SLC35F3: variants seen among roughly 807,000 people sequenced by gnomAD.
SLC35F3 encodes solute carrier family 35 member F3.
In SLC35F3, 25 loss-of-function variants were observed where a neutral mutation model predicts 49.9. The observed-to-expected ratio is 0.50, with a 90% CI of 0.37 to 0.70. The LOEUF (loss-of-function observed/expected upper bound fraction) is 0.70. Among genes scored for constraint, SLC35F3 ranks in the 30% least tolerant of loss-of-function variants. The pLI is 0.00. For missense variants in SLC35F3, 525 were observed against 639.8 expected (o/e 0.82, Z 1.94); for synonymous variants, 275 against 265.4 (o/e 1.04, Z -0.35).
chr1:233,963,557 T>G (rs181575335), intron 2 of SLC35F3, among the ~76,000 whole-genome samples: 77 of 152,162 alleles, frequency 5.1e-4, no homozygotes, highest in African/African-American at 1.8e-3. Context: ...CACCTCGGCC[T>G]CCCAAAGTGC....
Position 234,185,098 on chromosome 1 carries a change from G to A in SLC35F3, c.284-46319G>A, listed in dbSNP as rs576957132. On this transcript the variant is annotated intron_variant, in intron 2 of 7. Coordinates refer to ENST00000366618, the MANE Select transcript of SLC35F3 (RefSeq NM_173508.4). ...AATCTAAACAATACATCGAGGGAGAGTAAAAGACACAGGAATGATTATGAG... is the reference window on the plus strand; with the variant it reads ...AATCTAAACAATACATCGAGGGAGAATAAAAGACACAGGAATGATTATGAG... Among the ~76,000 whole-genome samples, 3 of 152,280 alleles carry A rather than the reference G, an allele frequency of 2.0e-5. No individual in the cohort carries two copies. In the South Asian group the frequency reaches 6.2e-4, roughly 32 times the overall value.
At chr1:234,031,748 A>G (rs954519888) in intron 2 of SLC35F3, among the ~76,000 whole-genome samples, 7 of 152,182 alleles carry the variant, frequency 4.6e-5, no homozygotes, top group African/African-American at 1.7e-4. Flanking sequence ...TACACTAGTC[A>G]TATCCTGAAA....
At position 233,944,727 on chromosome 1, in the gene SLC35F3, A is replaced by G. The variant is rs1038680755; in HGVS notation, c.283+38969A>G. 5.3e-5 allele frequency among the ~76,000 whole-genome samples: 8 copies of G among 152,364 alleles called. No homozygotes were observed. The East Asian group carries it at 1.5e-3, about 29-fold the overall frequency. On this transcript the variant is annotated intron_variant, in intron 2 of 7. Coordinates refer to ENST00000366618, the MANE Select transcript of SLC35F3 (RefSeq NM_173508.4). ...GAAAGGGTTGGATTTTGTTGCTAAC[A>G]GCAGAGGAGAAACAAAAAGCTATAG...
chr1:234,301,073 T>C (rs1181031672), intron 3 of SLC35F3, among the ~76,000 whole-genome samples: 1 of 151,962 alleles, frequency 6.6e-6, no homozygotes, highest in Non-Finnish European at 1.5e-5. Flanking sequence ...AGACACTGAG[T>C]TTATTTGGGA....
At chr1:234,066,813 C>G (rs1664625504) in intron 2 of SLC35F3, among the ~76,000 whole-genome samples, 2 of 141,858 alleles carry the variant, frequency 1.4e-5, no homozygotes, top group African/African-American at 5.4e-5. Context: ...CTCTCTCTGT[C>G]TCTGTCCCTC....
At chr1:234,077,205 C>G (rs1664805896) in intron 2 of SLC35F3, among the ~76,000 whole-genome samples, 1 of 151,446 alleles carries the variant, frequency 6.6e-6, no homozygotes, top group African/African-American at 2.4e-5. Context: ...GGGGTTTCAC[C>G]TTGTTAGCCA....
chr1:234,267,534 G>A (rs1349340817), intron 3 of SLC35F3, among the ~76,000 whole-genome samples: 3 of 149,354 alleles, frequency 2.0e-5, no homozygotes, highest in Admixed American at 6.6e-5. Context: ...CCTCCCGGAC[G>A]GGGCGGCTGG....
At chr1:234,045,864 G>A (rs1053387743) in intron 2 of SLC35F3, among the ~76,000 whole-genome samples, 5 of 151,842 alleles carry the variant, frequency 3.3e-5, no homozygotes, top group African/African-American at 4.8e-5. Flanking sequence ...ATTATATATT[G>A]TTGTGTATTT....
intron 2 of SLC35F3, among the ~76,000 whole-genome samples, chr1:234,210,655 G>C (rs1383358056): frequency 6.6e-6 from 1 of 152,200 alleles, no homozygotes; most frequent in Non-Finnish European, 1.5e-5. Flanking sequence ...AAATTTCTAA[G>C]CAGCAAAGCA....
In SLC35F3 at chr1:233,936,547, C is replaced by G. The variant is rs149192868; in HGVS notation, c.283+30789C>G. Reference sequence around the variant, plus strand: ...CCTCCTCCTCCTTCTTCCTCCTCCTCCTCCTCTTTCTTCTTCTTCTCCTCC... The same window carrying G: ...CCTCCTCCTCCTTCTTCCTCCTCCTGCTCCTCTTTCTTCTTCTTCTCCTCC... On this transcript the variant is annotated intron_variant, in intron 2 of 7. Coordinates refer to ENST00000366618, the MANE Select transcript of SLC35F3 (RefSeq NM_173508.4). Among the ~76,000 whole-genome samples, 112 of 151,832 alleles carry G rather than the reference C, an allele frequency of 7.4e-4. 3 individuals carry two copies. The East Asian group carries it at 0.021, about 28-fold the overall frequency.
chr1:234,223,485 A>G (rs748175718), intron 2 of SLC35F3, among the ~76,000 whole-genome samples: 55 of 152,114 alleles, frequency 3.6e-4, no homozygotes, highest in Non-Finnish European at 7.3e-4. Context: ...TTTAAACACA[A>G]CTTCACAACT....
At chr1:234,308,425 A>G (rs1657259801) in intron 3 of SLC35F3, among the ~76,000 whole-genome samples, 1 of 152,156 alleles carries the variant, frequency 6.6e-6, no homozygotes, top group Admixed American at 6.5e-5. Context: ...ACAAATTTGT[A>G]AACTTTCTTA....
chr1:233,905,973 C>G (rs1478518988), intron 2 of SLC35F3, among the ~76,000 whole-genome samples: 1 of 152,158 alleles, frequency 6.6e-6, no homozygotes, highest in Non-Finnish European at 1.5e-5. Context: ...ACACCCCTTC[C>G]TCTCCCACAC....
chr1:234,198,803 T>C (rs1289655579), intron 2 of SLC35F3, among the ~76,000 whole-genome samples: 3 of 152,184 alleles, frequency 2.0e-5, no homozygotes, highest in Non-Finnish European at 4.4e-5. Flanking sequence ...AAATATATAA[T>C]ACATTAATAT....
intron 2 of SLC35F3, among the ~76,000 whole-genome samples, chr1:233,950,134 A>G (rs890878453): frequency 6.6e-6 from 1 of 151,960 alleles, no homozygotes; most frequent in African/African-American, 2.4e-5. Flanking sequence ...AAAAGAGAAA[A>G]TCAGGTATTT....
chr1:233,937,081 C>T lies in SLC35F3; in HGVS notation c.283+31323C>T, dbSNP rs138237357. On this transcript the variant is annotated intron_variant, in intron 2 of 7. Coordinates refer to ENST00000366618, the MANE Select transcript of SLC35F3 (RefSeq NM_173508.4). ...TCCCTGCTTCCACTCCCATCTACCC[C>T]CATGAATCTAGCAGTTCACAACACT... 6.6e-3 allele frequency among the ~76,000 whole-genome samples: 1,000 copies of T among 152,234 alleles called. 3 individuals are homozygous for T. Among genetic ancestry groups the T allele is most frequent in the Admixed American group, 0.011 (175 of 15,272 alleles).
chr1:234,224,147 C>T (rs1319472660), intron 2 of SLC35F3, among the ~76,000 whole-genome samples: 1 of 152,166 alleles, frequency 6.6e-6, no homozygotes, highest in Middle Eastern at 3.2e-3. Flanking sequence ...TCATTGCAGC[C>T]TCAACTTTCT....
intron 2 of SLC35F3, among the ~76,000 whole-genome samples, chr1:233,996,617 A>G (rs1663465724): frequency 6.6e-6 from 1 of 152,134 alleles, no homozygotes; most frequent in Non-Finnish European, 1.5e-5. Context: ...GTGCCATGGC[A>G]AGGCATTTAT....
chr1:234,209,753 T>C (rs908815929), intron 2 of SLC35F3, among the ~76,000 whole-genome samples: 1 of 151,938 alleles, frequency 6.6e-6, no homozygotes, highest in Admixed American at 6.6e-5. Context: ...TGGCAATTAG[T>C]AACTCCTCTT....
Sources: allele counts gnomAD v4.1 joint callset (sites outside exome capture counted in the v4.1 genomes callset), GRCh38; gene constraint gnomAD v4.1.1; transcripts MANE v1.5; gene names NCBI Gene and HGNC (gene_info 2026-07-23, HGNC 2026-07-21).